MGAT5: variants seen among roughly 807,000 people sequenced by gnomAD.
The protein encoded by MGAT5 is alpha-1,6-mannosylglycoprotein 6-beta-N-acetylglucosaminyltransferase.
In MGAT5, 30 loss-of-function variants were observed where a neutral mutation model predicts 94.3. That is an observed-to-expected ratio of 0.32 (90% CI 0.24 to 0.43). The LOEUF is 0.43. Ranked by LOEUF, MGAT5 falls within the 20% of genes least tolerant of loss-of-function variation. MGAT5 has a pLI of 1.00. For synonymous variants in MGAT5, 310 were observed against 322.9 expected, an observed-to-expected ratio of 0.96 and a Z score of 0.43; for missense variants, 691 against 905.5, an observed-to-expected ratio of 0.76 and a Z score of 3.04.
intron 10 of MGAT5, among the ~76,000 whole-genome samples, chr2:134,369,700 T>A (rs1476738851): frequency 6.7e-6 from 1 of 149,308 alleles, no homozygotes; most frequent in African/African-American, 2.5e-5. Context: ...CTGTCTTGGG[T>A]GTGGTGATAG....
intron 2 of MGAT5, among the ~76,000 whole-genome samples, chr2:134,275,368 T>C (rs1684295957): frequency 1.3e-5 from 2 of 152,160 alleles, no homozygotes; most frequent in African/African-American, 4.8e-5. Flanking sequence ...TACAGAAAAA[T>C]GCTTGTCTTT....
chr2:134,298,091 A>C (rs1250961450), intron 2 of MGAT5, among the ~76,000 whole-genome samples: 1 of 152,048 alleles, frequency 6.6e-6, no homozygotes, highest in Admixed American at 6.6e-5. Context: ...AGAGAAAAAT[A>C]TTATCTCTGT....
intron 1 of MGAT5, among the ~76,000 whole-genome samples, chr2:134,216,672 C>A (rs1680513137): frequency 6.6e-6 from 1 of 152,238 alleles, no homozygotes; most frequent in Admixed American, 6.5e-5. Context: ...AGACAGTTCA[C>A]ACCTGACATA....
chr2:134,235,886 A>G (rs890312908), intron 1 of MGAT5, among the ~76,000 whole-genome samples: 18 of 152,084 alleles, frequency 1.2e-4, no homozygotes, highest in African/African-American at 4.1e-4. Flanking sequence ...TGTTTTGCAT[A>G]ATGACTTCAT....
intron 2 of MGAT5, among the ~76,000 whole-genome samples, chr2:134,280,741 G>C (rs985771599): frequency 2.0e-5 from 3 of 152,192 alleles, no homozygotes; most frequent in African/African-American, 7.2e-5. Flanking sequence ...ATAAAATGAG[G>C]ATAAGAGCCT....
chr2:134,318,567 T>TCA, intron 3 of MGAT5, 83 bp from the exon 4 acceptor site: 1 of 1,025,564 alleles, frequency 9.8e-7, no homozygotes, highest in African/African-American at 1.6e-5. Context: ...CACTCCATCT[T>TCA]CACCATTCTA....
chr2:134,325,875 T>C (rs1302199664), intron 4 of MGAT5, among the ~76,000 whole-genome samples: 3 of 152,104 alleles, frequency 2.0e-5, no homozygotes, highest in Non-Finnish European at 4.4e-5. Context: ...TTACAGCCCA[T>C]GTTGTTGCAT....
At chr2:134,276,163 A>G (rs114422505) in intron 2 of MGAT5, among the ~76,000 whole-genome samples, 1 of 83,534 alleles carries the variant, frequency 1.2e-5, no homozygotes, top group African/African-American at 4.6e-5. Context: ...AAGCCCCCCC[A>G]CCCCCGCCGC....
At chr2:134,152,285 C>G (rs1429660355) in intron 1 of MGAT5, among the ~76,000 whole-genome samples, 2 of 137,562 alleles carry the variant, frequency 1.5e-5, no homozygotes, top group African/African-American at 3.2e-5. Context: ...CCTATGGGAC[C>G]TGCTTACCAC....
chr2:134,357,994 G>A (rs1476075437), intron 9 of MGAT5, among the ~76,000 whole-genome samples: 1 of 151,638 alleles, frequency 6.6e-6, no homozygotes, highest in Non-Finnish European at 1.5e-5. Flanking sequence ...TTCTACCGTC[G>A]GTTTTATCAG....
At chr2:134,244,600 C>A (rs1004311907) in intron 1 of MGAT5, among the ~76,000 whole-genome samples, 1 of 152,196 alleles carries the variant, frequency 6.6e-6, no homozygotes, top group Admixed American at 6.5e-5. Flanking sequence ...GCACAGGCTT[C>A]TGAGCCTGCT....
intron 14 of MGAT5, 97 bp downstream of exon 14, chr2:134,428,536 T>A: frequency 8.7e-7 from 1 of 1,144,310 alleles, no homozygotes. Flanking sequence ...TGTGTTTCTG[T>A]GGCTATTTTC....
intron 10 of MGAT5, among the ~76,000 whole-genome samples, chr2:134,373,023 T>A (rs1407740493): frequency 3.9e-5 from 6 of 152,252 alleles, no homozygotes; most frequent in Non-Finnish European, 5.9e-5. Context: ...TGAGTTCATT[T>A]GTAGCTCTTA....
chr2:134,186,432 A>T (rs1689036387), intron 1 of MGAT5, among the ~76,000 whole-genome samples: 1 of 146,598 alleles, frequency 6.8e-6, no homozygotes. Flanking sequence ...GGCAAAGAGG[A>T]TTTGAGATGT....
At chr2:134,332,394 G>A (rs1490981417) in intron 4 of MGAT5, among the ~76,000 whole-genome samples, 2 of 150,864 alleles carry the variant, frequency 1.3e-5, no homozygotes, top group African/African-American at 4.8e-5. Flanking sequence ...TATGTAGAAA[G>A]CTGAAACTGG....
chr2:134,152,278 A>G (rs35225099), intron 1 of MGAT5, among the ~76,000 whole-genome samples: 11,755 of 105,114 alleles, frequency 0.11, 1,434 homozygotes, highest in South Asian at 0.15. Context: ...CTCACGCCCT[A>G]TGGGACCTGC....
chr2:134,144,086 G>T (rs1452821358), intron 1 of MGAT5, among the ~76,000 whole-genome samples: 1 of 152,132 alleles, frequency 6.6e-6, no homozygotes, highest in Non-Finnish European at 1.5e-5. Flanking sequence ...CAGGGATGCC[G>T]GTTGAAGATG....
At chr2:134,202,834 A>G (rs995112369) in intron 1 of MGAT5, among the ~76,000 whole-genome samples, 1 of 152,196 alleles carries the variant, frequency 6.6e-6, no homozygotes, top group Non-Finnish European at 1.5e-5. Context: ...AACAAACACA[A>G]TTCTCCCCCA....
intron 1 of MGAT5, among the ~76,000 whole-genome samples, chr2:134,123,541 C>T (rs1685711613): frequency 6.6e-6 from 1 of 152,184 alleles, no homozygotes; most frequent in Non-Finnish European, 1.5e-5. Context: ...TTCCTTCCTC[C>T]TTGTGTGTCA....
Sources: allele counts gnomAD v4.1 joint callset (sites outside exome capture counted in the v4.1 genomes callset), GRCh38; gene constraint gnomAD v4.1.1; transcripts MANE v1.5; gene names NCBI Gene and HGNC (gene_info 2026-07-23, HGNC 2026-07-21).